Variants in GRIP1 observed in about 807,000 individuals in gnomAD.
GRIP1 encodes the protein glutamate receptor-interacting protein 1.
Under a neutral mutation model 129.9 loss-of-function variants are expected in GRIP1, and 45 were observed. That is an observed-to-expected ratio of 0.35 (90% confidence interval 0.27 to 0.44). The LOEUF is 0.44. Among genes scored for constraint, GRIP1 ranks in the 20% least tolerant of loss-of-function variants. The pLI is 1.00. For synonymous variants in GRIP1, 530 were observed against 520.8 expected, an observed-to-expected ratio of 1.02 and a Z score of -0.24; for missense variants, 1,196 against 1,396.8, an observed-to-expected ratio of 0.86 and a Z score of 2.29.
chr12:66,391,878 G>T (rs2056602996), intron 19 of GRIP1, among the ~76,000 whole-genome samples: 1 of 152,052 alleles, frequency 6.6e-6, no homozygotes, highest in Non-Finnish European at 1.5e-5. Flanking sequence ...TCAGGAGTGT[G>T]CAGGAATAAA....
intron 5 of GRIP1, among the ~76,000 whole-genome samples, chr12:66,527,708 GA>G (rs2061301830): frequency 1.3e-5 from 2 of 151,850 alleles, no homozygotes; most frequent in Admixed American, 6.6e-5. Context: ...TCTGACTGTG[GA>G]AAACCAAATA....
intron 1 of GRIP1, among the ~76,000 whole-genome samples, chr12:66,677,718 T>C (rs2034403618): frequency 6.6e-6 from 1 of 152,192 alleles, no homozygotes; most frequent in Non-Finnish European, 1.5e-5. Context: ...TTTATTCTCT[T>C]TCCTGTTATT....
At chr12:66,514,633 C>G (rs2138915856) in intron 7 of GRIP1, among the ~76,000 whole-genome samples, 1 of 152,144 alleles carries the variant, frequency 6.6e-6, no homozygotes, top group South Asian at 2.1e-4. Flanking sequence ...CTTTCCATGT[C>G]AAGGGCATAC....
intron 1 of GRIP1, among the ~76,000 whole-genome samples, chr12:67,055,254 G>A (rs867359931): frequency 1.3e-5 from 2 of 152,200 alleles, no homozygotes; most frequent in East Asian, 1.9e-4. Context: ...GGCGACCCTG[G>A]TCATGCTGGA....
At chr12:66,901,205 A>T (rs1257241788) in intron 1 of GRIP1, among the ~76,000 whole-genome samples, 5 of 152,246 alleles carry the variant, frequency 3.3e-5, no homozygotes, top group Non-Finnish European at 7.3e-5. Flanking sequence ...AACAAAAACC[A>T]TCCATTAGAG....
intron 1 of GRIP1, among the ~76,000 whole-genome samples, chr12:66,666,951 T>C (rs940046669): frequency 1.3e-5 from 2 of 152,052 alleles, no homozygotes; most frequent in African/African-American, 4.8e-5. Flanking sequence ...AGGAAACCTA[T>C]TTTTATTTCT....
intron 1 of GRIP1, among the ~76,000 whole-genome samples, chr12:66,858,051 G>A (rs1349290045): frequency 6.6e-6 from 1 of 150,386 alleles, no homozygotes; most frequent in East Asian, 2.0e-4. Context: ...GCTTTCCAGG[G>A]CAAGTCTCTC....
intron 1 of GRIP1, among the ~76,000 whole-genome samples, chr12:66,748,843 CA>C (rs769402180): frequency 2.6e-5 from 4 of 152,128 alleles, no homozygotes; most frequent in Admixed American, 6.5e-5. Context: ...GTTTAAATAA[CA>C]GGGATAAAAC....
At chr12:66,557,777 A>G (rs1448111482) in intron 2 of GRIP1, among the ~76,000 whole-genome samples, 2 of 152,134 alleles carry the variant, frequency 1.3e-5, no homozygotes, top group African/African-American at 4.8e-5. Context: ...AAATAACATC[A>G]CAAACACAAC....
At chr12:66,577,688 G>A (rs535808815) in intron 2 of GRIP1, among the ~76,000 whole-genome samples, 9 of 152,250 alleles carry the variant, frequency 5.9e-5, no homozygotes, top group African/African-American at 1.9e-4. Flanking sequence ...AGTGGCTCAC[G>A]CCTGTAATTC....
chr12:66,419,427 A>G (rs1452583634), intron 15 of GRIP1, among the ~76,000 whole-genome samples: 1 of 152,182 alleles, frequency 6.6e-6, no homozygotes, highest in African/African-American at 2.4e-5. Context: ...TTAATTGTAC[A>G]CTTAAAAATA....
intron 1 of GRIP1, among the ~76,000 whole-genome samples, chr12:66,827,387 T>TGTGTGTGTGTGA (rs755458052): frequency 2.4e-4 from 26 of 108,224 alleles, no homozygotes; most frequent in African/African-American, 6.5e-4. Context: ...TGTGTGTGTG[T>TGTGTGTGTGTGA]GAGAGAGAGA....
intron 23 of GRIP1, among the ~76,000 whole-genome samples, chr12:66,365,380 T>G (rs763958994): frequency 1.2e-4 from 18 of 152,210 alleles, no homozygotes; most frequent in African/African-American, 4.1e-4. Context: ...GAGGTTGCAG[T>G]GAGCCAAGAT....
At chr12:67,054,088 T>C (rs1397950084) in intron 1 of GRIP1, among the ~76,000 whole-genome samples, 2 of 152,208 alleles carry the variant, frequency 1.3e-5, no homozygotes, top group African/African-American at 2.4e-5. Flanking sequence ...TCATCCACAA[T>C]GGGAAGACCA....
At chr12:66,591,674 G>A (rs1466579834) in intron 2 of GRIP1, among the ~76,000 whole-genome samples, 1 of 151,978 alleles carries the variant, frequency 6.6e-6, no homozygotes, top group African/African-American at 2.4e-5. Flanking sequence ...CTGTCACCCA[G>A]GCTGGAGAAC....
chr12:66,597,663 T>G (rs924742286), intron 1 of GRIP1, among the ~76,000 whole-genome samples: 1 of 152,168 alleles, frequency 6.6e-6, no homozygotes, highest in African/African-American at 2.4e-5. Context: ...TAAAGCTTAA[T>G]GTATGTGTGA....
intron 1 of GRIP1, among the ~76,000 whole-genome samples, chr12:66,925,103 A>G (rs1186512023): frequency 2.0e-5 from 3 of 152,226 alleles, no homozygotes; most frequent in African/African-American, 7.2e-5. Flanking sequence ...GGCACTTGAG[A>G]TAAGATTCAT....
At chr12:67,042,169 C>A (rs553138894) in intron 1 of GRIP1, among the ~76,000 whole-genome samples, 4 of 152,154 alleles carry the variant, frequency 2.6e-5, no homozygotes, top group African/African-American at 7.2e-5. Context: ...TGACTCTCAC[C>A]AGATGCAGCC....
intron 1 of GRIP1, among the ~76,000 whole-genome samples, chr12:66,736,241 C>G (rs540032071): frequency 6.6e-6 from 1 of 151,816 alleles, no homozygotes; most frequent in East Asian, 1.9e-4. Flanking sequence ...TCATAGCACA[C>G]CAATCATAGC....
Sources: gnomAD v4.1 joint callset for allele counts (sites outside exome capture counted in the v4.1 genomes callset) on GRCh38, gnomAD v4.1.1 for gene constraint, MANE v1.5 for transcripts, NCBI Gene and HGNC (gene_info 2026-07-23, HGNC 2026-07-21) for gene names.